Variants in TENM2 observed in about 807,000 individuals in gnomAD.
TENM2 encodes teneurin transmembrane protein 2.
A neutral mutation model predicts 245.2 loss-of-function variants in TENM2; 52 were observed. That is an observed-to-expected ratio of 0.21 (90% CI 0.17 to 0.27). The LOEUF (loss-of-function observed/expected upper bound fraction) is 0.27, where lower values mean the gene tolerates loss of function less well. TENM2 is among the 10% of genes least tolerant of loss of function. TENM2 has a pLI of 1.00. For synonymous variants in TENM2, 1,363 were observed against 1,438.9 expected, an observed-to-expected ratio of 0.95 and a Z score of 1.19; for missense variants, 3,046 against 3,666.8, an observed-to-expected ratio of 0.83 and a Z score of 4.37.
chr5:167,825,296 G>T (rs879888699), intron 2 of TENM2, among the ~76,000 whole-genome samples: 31 of 150,822 alleles, frequency 2.1e-4, no homozygotes, highest in Admixed American at 2.0e-3. Context: ...GTTTCTGCAG[G>T]GGGGTGGGGT....
intron 25 of TENM2, among the ~76,000 whole-genome samples, chr5:168,233,432 A>T (rs1765127623): frequency 6.6e-6 from 1 of 152,208 alleles, no homozygotes; most frequent in Non-Finnish European, 1.5e-5. Flanking sequence ...GGGTACTCAG[A>T]CAACAGGTGA....
intron 15 of TENM2, among the ~76,000 whole-genome samples, chr5:168,198,451 C>G (rs946093041): frequency 6.6e-6 from 1 of 152,196 alleles, no homozygotes; most frequent in African/African-American, 2.4e-5. Flanking sequence ...TCACCTCAGC[C>G]TCACAAAGTG....
chr5:166,982,144 G>A, the TENM2 span, among the ~76,000 whole-genome samples: 1 of 152,068 alleles, frequency 6.6e-6, no homozygotes, highest in Non-Finnish European at 1.5e-5. Flanking sequence ...TTTCAGCATG[G>A]CATTGGACTT....
intron 6 of TENM2, among the ~76,000 whole-genome samples, chr5:168,050,073 G>A (rs1021829767): frequency 3.3e-5 from 5 of 152,160 alleles, no homozygotes; most frequent in African/African-American, 7.2e-5. Flanking sequence ...AAAGTGCTGG[G>A]ATTACAGGCA....
exon 6 of TENM2, chr5:168,047,500 C>T (rs1195854530): frequency 3.2e-6 from 5 of 1,551,692 alleles, no homozygotes; most frequent in South Asian, 1.2e-5. Flanking sequence ...GGATAAGGAC[C>T]GGCTTACCAG....
intron 1 of TENM2, among the ~76,000 whole-genome samples, chr5:167,331,646 AAG>A (rs763715320): frequency 1.7e-4 from 26 of 152,306 alleles, no homozygotes; most frequent in Non-Finnish European, 3.8e-4. Context: ...TATATTTTGA[AAG>A]AGTGTGAATA....
At chr5:168,027,180 C>A (rs1301911483) in intron 5 of TENM2, among the ~76,000 whole-genome samples, 1 of 152,042 alleles carries the variant, frequency 6.6e-6, no homozygotes, top group Non-Finnish European at 1.5e-5. Context: ...GTACCGTCAC[C>A]CACTGAGACT....
At chr5:167,193,741 A>G in the TENM2 span, among the ~76,000 whole-genome samples, 1 of 151,930 alleles carries the variant, frequency 6.6e-6, no homozygotes, top group African/African-American at 2.4e-5. Context: ...TTTGATGACA[A>G]CAGTGACAAT....
chr5:167,651,491 T>C (rs1312920393), intron 2 of TENM2, among the ~76,000 whole-genome samples: 1 of 151,950 alleles, frequency 6.6e-6, no homozygotes, highest in Non-Finnish European at 1.5e-5. Flanking sequence ...CAATGTGCAT[T>C]ATTGGTGCCG....
the TENM2 span, among the ~76,000 whole-genome samples, chr5:167,036,615 A>G: frequency 6.6e-6 from 1 of 151,730 alleles, no homozygotes; most frequent in East Asian, 1.9e-4. Flanking sequence ...TACTCCCCTC[A>G]CCCCTCCCCA....
At chr5:167,326,058 C>CGGT (rs1364095043) in intron 1 of TENM2, among the ~76,000 whole-genome samples, 1 of 152,014 alleles carries the variant, frequency 6.6e-6, no homozygotes, top group African/African-American at 2.4e-5. Context: ...GAAGCTTGAA[C>CGGT]GGTGGCCAGG....
intron 2 of TENM2, among the ~76,000 whole-genome samples, chr5:167,533,143 C>T (rs1771625229): frequency 6.6e-6 from 1 of 151,978 alleles, no homozygotes; most frequent in Non-Finnish European, 1.5e-5. Context: ...CAGGAGAAAT[C>T]ACAGGAAAGC....
chr5:168,250,115 GAT>G (rs1766975525), intron 27 of TENM2, among the ~76,000 whole-genome samples: 1 of 19,272 alleles, frequency 5.2e-5, no homozygotes, highest in Non-Finnish European at 1.1e-4. Flanking sequence ...TGGATGGATG[GAT>G]GGATGGATGG....
intron 4 of TENM2, chr5:167,965,447 T>C (rs1781318375): frequency 6.6e-6 from 1 of 152,124 alleles, no homozygotes; most frequent in South Asian, 2.1e-4. Flanking sequence ...CCAGATGCAG[T>C]GGTTCATACC....
chr5:167,524,453 CAT>C, intron 2 of TENM2, among the ~76,000 whole-genome samples: 1 of 152,260 alleles, frequency 6.6e-6, no homozygotes, highest in Non-Finnish European at 1.5e-5. Context: ...TATTACCAAA[CAT>C]GGGTAAATAT....
chr5:168,084,373 C>G (rs1792264841), intron 7 of TENM2, among the ~76,000 whole-genome samples: 1 of 152,244 alleles, frequency 6.6e-6, no homozygotes, highest in Non-Finnish European at 1.5e-5. Context: ...ACATTCCCAT[C>G]AACAGTGTGT....
intron 2 of TENM2, among the ~76,000 whole-genome samples, chr5:167,761,636 G>C (rs1325599722): frequency 6.6e-6 from 1 of 152,130 alleles, no homozygotes; most frequent in Non-Finnish European, 1.5e-5. Context: ...AGCATAAAAA[G>C]AAAACCATCA....
At chr5:167,720,839 C>A (rs1759577450) in intron 2 of TENM2, among the ~76,000 whole-genome samples, 1 of 152,286 alleles carries the variant, frequency 6.6e-6, no homozygotes, top group African/African-American at 2.4e-5. Flanking sequence ...TATTACACTG[C>A]AGCTTTAGAT....
intron 6 of TENM2, among the ~76,000 whole-genome samples, chr5:168,052,133 C>T (rs1200462476): frequency 6.6e-6 from 1 of 151,948 alleles, no homozygotes; most frequent in Non-Finnish European, 1.5e-5. Context: ...TGCAGTGGCT[C>T]ATGCCTGTAA....
Sources: gnomAD v4.1 joint callset for allele counts (sites outside exome capture counted in the v4.1 genomes callset) on GRCh38, gnomAD v4.1.1 for gene constraint, MANE v1.5 for transcripts, NCBI Gene and HGNC (gene_info 2026-07-23, HGNC 2026-07-21) for gene names.